VTI1A: variants seen among roughly 807,000 people sequenced by gnomAD.
VTI1A encodes the protein vesicle transport through interaction with t-SNAREs homolog 1A.
Under a neutral mutation model 34.9 loss-of-function variants are expected in VTI1A, and 22 were observed. That is an observed-to-expected ratio of 0.63 (90% CI 0.45 to 0.90). VTI1A has a LOEUF of 0.90. Among genes scored for constraint, VTI1A ranks in the 40% least tolerant of loss-of-function variants. VTI1A has a pLI of 0.00. For synonymous variants in VTI1A, 87 were observed against 97.3 expected (o/e 0.89, Z 0.62); for missense variants, 268 against 275.6 (o/e 0.97, Z 0.20).
intron 7 of VTI1A, among the ~76,000 whole-genome samples, chr10:112,749,177 A>G (rs1434235053): frequency 6.6e-6 from 1 of 152,146 alleles, no homozygotes; most frequent in African/African-American, 2.4e-5. Context: ...TTCTAATTCT[A>G]GGGTAGTTGC....
At chr10:112,633,386 C>T (rs527568473) in intron 5 of VTI1A, among the ~76,000 whole-genome samples, 3 of 152,270 alleles carry the variant, frequency 2.0e-5, no homozygotes, top group Non-Finnish European at 2.9e-5. Flanking sequence ...AGGAAACCTC[C>T]GAATTCTCCA....
At chr10:112,550,887 T>G (rs1851324100) in intron 5 of VTI1A, among the ~76,000 whole-genome samples, 1 of 152,188 alleles carries the variant, frequency 6.6e-6, no homozygotes, top group African/African-American at 2.4e-5. Context: ...GTTGCTAATT[T>G]CATTGTAATC....
chr10:112,763,718 G>A (rs927907978), intron 7 of VTI1A, among the ~76,000 whole-genome samples: 1 of 152,126 alleles, frequency 6.6e-6, no homozygotes, highest in Non-Finnish European at 1.5e-5. Flanking sequence ...CTTGGTTTGG[G>A]ACCTATTTTA....
intron 7 of VTI1A, among the ~76,000 whole-genome samples, chr10:112,754,457 A>G (rs934555972): frequency 2.0e-5 from 3 of 152,338 alleles, no homozygotes; most frequent in Non-Finnish European, 2.9e-5. Flanking sequence ...TATCTACAAA[A>G]GTAAAAGTTC....
At chr10:112,693,474 G>A (rs943517955) in intron 7 of VTI1A, among the ~76,000 whole-genome samples, 1 of 152,112 alleles carries the variant, frequency 6.6e-6, no homozygotes, top group African/African-American at 2.4e-5. Context: ...TTGAACCCAG[G>A]AGGCGGAGAT....
chr10:112,772,798 A>T (rs954761344), intron 7 of VTI1A, among the ~76,000 whole-genome samples: 1 of 152,252 alleles, frequency 6.6e-6, no homozygotes, highest in Non-Finnish European at 1.5e-5. Context: ...GAAGAAAAAG[A>T]ACTGTGGATT....
intron 5 of VTI1A, among the ~76,000 whole-genome samples, chr10:112,591,902 T>C (rs1844404672): frequency 6.6e-6 from 1 of 152,218 alleles, no homozygotes; most frequent in Non-Finnish European, 1.5e-5. Context: ...CCAATCATGT[T>C]AGCCCTTTAA....
intron 3 of VTI1A, among the ~76,000 whole-genome samples, chr10:112,522,558 G>C (rs974997651): frequency 4.6e-5 from 7 of 152,046 alleles, no homozygotes; most frequent in Non-Finnish European, 4.4e-5. Context: ...GAATGAGAAC[G>C]TCTTAATTCT....
chr10:112,632,400 C>T (rs1010733170), intron 5 of VTI1A, among the ~76,000 whole-genome samples: 1 of 152,062 alleles, frequency 6.6e-6, no homozygotes, highest in Non-Finnish European at 1.5e-5. Context: ...AGTTCTTTAC[C>T]ATTGAAGGAT....
At chr10:112,678,882 G>A (rs1178651338) in intron 7 of VTI1A, among the ~76,000 whole-genome samples, 2 of 152,162 alleles carry the variant, frequency 1.3e-5, no homozygotes, top group African/African-American at 4.8e-5. Context: ...AACGCAGGAG[G>A]ACAAAAGGGG....
At chr10:112,850,025 G>A in the VTI1A span, among the ~76,000 whole-genome samples, 3,318 of 152,272 alleles carry the variant, frequency 0.022, 117 homozygotes, top group African/African-American at 0.076. Context: ...TCAGGAGTAA[G>A]GAGTGGGATT....
At chr10:112,477,147 AT>A (rs1848302876) in intron 3 of VTI1A, among the ~76,000 whole-genome samples, 5 of 152,278 alleles carry the variant, frequency 3.3e-5, no homozygotes, top group African/African-American at 1.2e-4. Flanking sequence ...AAATAGTCTC[AT>A]TTTTTGCTTA....
At chr10:112,752,315 T>C in intron 7 of VTI1A, 2 of 964,432 alleles carry the variant, frequency 2.1e-6, no homozygotes, top group Non-Finnish European at 2.5e-6. Context: ...GTCATACTGA[T>C]TCCATTTTGT....
chr10:112,716,279 T>G (rs1156527558), intron 7 of VTI1A, among the ~76,000 whole-genome samples: 2 of 152,194 alleles, frequency 1.3e-5, no homozygotes, highest in African/African-American at 2.4e-5. Flanking sequence ...GTTCATCCTT[T>G]GAAGGCAACA....
intron 5 of VTI1A, among the ~76,000 whole-genome samples, chr10:112,635,946 T>G (rs188577084): frequency 6.6e-6 from 1 of 152,160 alleles, no homozygotes; most frequent in African/African-American, 2.4e-5. Flanking sequence ...TTTAACAGAT[T>G]AAGCATAGAA....
chr10:112,844,643 C>G, the VTI1A span, among the ~76,000 whole-genome samples: 1 of 152,204 alleles, frequency 6.6e-6, no homozygotes, highest in African/African-American at 2.4e-5. Flanking sequence ...AGGTGATCCA[C>G]GCATCTCAGT....
the VTI1A span, among the ~76,000 whole-genome samples, chr10:112,847,205 G>T: frequency 1.3e-5 from 2 of 152,114 alleles, no homozygotes; most frequent in Admixed American, 1.3e-4. Context: ...CAGCTGCGGG[G>T]TCTCTCCTCC....
chr10:112,805,429 C>T lies in VTI1A; in HGVS notation c.561-9861C>T, dbSNP rs79535378. Among the ~76,000 whole-genome samples, 256 of 152,276 alleles carry T rather than the reference C, an allele frequency of 1.7e-3. 8 individuals carry two copies. The East Asian group carries it at 0.038, about 23-fold the overall frequency. The stretch of plus-strand genomic sequence containing the variant: ...ATATGTCACTGGCTGCTTTACACTA[C>T]GAGAACAAAGTTGAGTAGTTGTGAC... On this transcript the variant is annotated intron_variant, in intron 7 of 7. Transcript: ENST00000393077.
intron 7 of VTI1A, among the ~76,000 whole-genome samples, chr10:112,706,453 C>G (rs987429260): frequency 2.6e-5 from 4 of 152,340 alleles, no homozygotes; most frequent in Admixed American, 2.6e-4. Context: ...TATGCCATTA[C>G]TGCCTGTTTC....
Sources: gnomAD v4.1 joint callset for allele counts (sites outside exome capture counted in the v4.1 genomes callset) on GRCh38, gnomAD v4.1.1 for gene constraint, MANE v1.5 for transcripts, NCBI Gene and HGNC (gene_info 2026-07-23, HGNC 2026-07-21) for gene names.